ATP9B: variants seen among roughly 807,000 people sequenced by gnomAD.
ATP9B encodes the protein probable phospholipid-transporting ATPase IIB.
ATP9B carries 110 observed loss-of-function variants against 146.1 expected under a neutral mutation model. The ratio of observed to expected loss-of-function variants is 0.75; its 90% CI spans 0.65 to 0.88. The LOEUF (loss-of-function observed/expected upper bound fraction) is 0.88. Among genes scored for constraint, ATP9B ranks in the 40% least tolerant of loss-of-function variants. ATP9B has a pLI of 0.00. For missense variants in ATP9B, 1,499 were observed against 1,496.4 expected, an observed-to-expected ratio of 1.00 and a Z score of -0.03; for synonymous variants, 604 against 569.7, an observed-to-expected ratio of 1.06 and a Z score of -0.86.
At chr18:79,118,120 TG>T (rs2147086473) in intron 4 of ATP9B, among the ~76,000 whole-genome samples, 1 of 152,298 alleles carries the variant, frequency 6.6e-6, no homozygotes, top group South Asian at 2.1e-4. Flanking sequence ...AAGGAGACTT[TG>T]GGGTCGTTTC....
At chr18:79,168,081 C>T (rs1417260943) in intron 7 of ATP9B, among the ~76,000 whole-genome samples, 2 of 152,232 alleles carry the variant, frequency 1.3e-5, no homozygotes, top group African/African-American at 4.8e-5. Flanking sequence ...GAGCATGCAG[C>T]CCTAGGCACA....
chr18:79,096,584 G>C lies in ATP9B; in HGVS notation c.228G>C (p.Arg76Ser), dbSNP rs2074798280. The change falls in exon 2 of 30, where the codon AGG (arginine) becomes AGC (serine). Residue 76 changes from arginine to serine, a missense_variant. Physicochemically the swap from Arg to Ser is moderately radical, Grantham distance 110. Transcript: ENST00000426216. ...ESDYHTLPRA[R>S]IMQRKRGLEW... ...ATTACCACACCTTACCACGAGCCAG[G>C]ATAATGCAAAGGAAAAGAGGACTGG... is the stretch of plus-strand genomic sequence containing the variant. 1 of 1,614,098 alleles carries C rather than the reference G, an allele frequency of 6.2e-7. No homozygotes were observed. The highest frequency in any genetic ancestry group is 8.5e-7 in the Non-Finnish European group (1 of 1,179,976).
chr18:79,290,172 C>A (rs1202914821), intron 13 of ATP9B, among the ~76,000 whole-genome samples: 1 of 152,294 alleles, frequency 6.6e-6, no homozygotes, highest in East Asian at 1.9e-4. Flanking sequence ...TTTAAGTCTG[C>A]AGAGGTTACT....
In ATP9B at chr18:79,376,214, C is replaced by CACACACACAAAAAAAA; in HGVS notation, c.3307+789_3307+790insCACACACAAAAAAAAA. The CACACACACAAAAAAAA allele has an allele frequency of 1.0e-3, 923 of 881,940 alleles. 12 individuals carry two copies. Among genetic ancestry groups the CACACACACAAAAAAAA allele is most frequent in the African/African-American group, 9.5e-3 (440 of 46,482 alleles). The allele number at this position is 881,940 out of a possible 1,614,324, so 54.6% of individuals were successfully genotyped here. A position where few individuals can be genotyped will look rare whatever the true frequency, so the allele number is the denominator to read the frequency against. On this transcript the variant is annotated intron_variant, in intron 29 of 29. Coordinates refer to ENST00000426216, the MANE Select transcript of ATP9B (RefSeq NM_198531.5). ...ACACACACACACACACACACACACA[C>CACACACACAAAAAAAA]AAAACAAAACAAAAAAATGGCTAGC...
chr18:79,268,023 G>A (rs1187849131), intron 12 of ATP9B, among the ~76,000 whole-genome samples: 1 of 152,042 alleles, frequency 6.6e-6, no homozygotes, highest in African/African-American at 2.4e-5. Context: ...TTGTGGCTTT[G>A]ATATTGGATG....
intron 3 of ATP9B, among the ~76,000 whole-genome samples, chr18:79,110,761 CAT>C (rs2146983378): frequency 6.6e-6 from 1 of 152,246 alleles, no homozygotes; most frequent in South Asian, 2.1e-4. Flanking sequence ...TGATAAACAT[CAT>C]ATTTATATTA....
At position 79,110,360 on chromosome 18, in the gene ATP9B, G is replaced by A. The variant is rs2075927357; in HGVS notation, c.299G>A (p.Cys100Tyr). ...DGWKFLCTSC[C>Y]GWLINICRRK... ...GTATCTTTTGTTTCATACAGTTGCT[G>A]TGGTTGGCTGATAAATATTTGTCGA... Residue 100 changes from cysteine to tyrosine, a missense_variant, in exon 3 of 30, where the codon TGT (cysteine) becomes TAT (tyrosine). Physicochemically the swap from Cys to Tyr is radical, Grantham distance 194. Coordinates refer to ENST00000426216, the MANE Select transcript of ATP9B (RefSeq NM_198531.5). The A allele has an allele frequency of 1.3e-6, 2 of 1,599,334 alleles. No individual in the cohort carries two copies. Among genetic ancestry groups the A allele is most frequent in the South Asian group, 2.3e-5 (2 of 88,706 alleles).
chr18:79,085,067 T>C (rs908034266), intron 1 of ATP9B: 1 of 151,602 alleles, frequency 6.6e-6, no homozygotes, highest in African/African-American at 2.4e-5. Context: ...AGCATGGTGC[T>C]GGCATCTGCT....
At chr18:79,267,298 G>A (rs2096213081) in intron 12 of ATP9B, among the ~76,000 whole-genome samples, 1 of 151,646 alleles carries the variant, frequency 6.6e-6, no homozygotes, top group Non-Finnish European at 1.5e-5. Context: ...TGCCCTTTTT[G>A]CTTTCTTTTT....
chr18:79,174,058 G>T (rs779296857), intron 7 of ATP9B: 13 of 301,900 alleles, frequency 4.3e-5, no homozygotes, highest in South Asian at 3.6e-4. Context: ...TCCTCCTCTT[G>T]TAGAATCATC....
At chr18:79,312,459 C>T (rs1228636063) in intron 15 of ATP9B, among the ~76,000 whole-genome samples, 1 of 152,216 alleles carries the variant, frequency 6.6e-6, no homozygotes, top group Non-Finnish European at 1.5e-5. Flanking sequence ...TGGCTGCCCT[C>T]ACCCCAGACC....
chr18:79,346,556 G>A (rs112407249), intron 23 of ATP9B, among the ~76,000 whole-genome samples: 2,109 of 110,808 alleles, frequency 0.019, 181 homozygotes, highest in Middle Eastern at 0.052. Flanking sequence ...CACACACTCG[G>A]TCAGCGCACG....
At chr18:79,219,394 G>T (rs911697303) in intron 11 of ATP9B, among the ~76,000 whole-genome samples, 8 of 147,552 alleles carry the variant, frequency 5.4e-5, no homozygotes, top group South Asian at 2.2e-4. Flanking sequence ...ATTGATTTTG[G>T]TTTTTTTTTT....
intron 1 of ATP9B, among the ~76,000 whole-genome samples, chr18:79,073,632 G>A (rs923316356): frequency 6.6e-6 from 1 of 152,096 alleles, no homozygotes; most frequent in African/African-American, 2.4e-5. Flanking sequence ...AGACGGAGAC[G>A]AGGGAGGGGG....
At chr18:79,117,704 A>G (rs976995580) in intron 4 of ATP9B, 3 of 152,244 alleles carry the variant, frequency 2.0e-5, no homozygotes, top group African/African-American at 7.2e-5. Context: ...GTATTCACAC[A>G]CAGAAGAAAC....
intron 11 of ATP9B, among the ~76,000 whole-genome samples, chr18:79,229,158 C>T (rs934070382): frequency 6.6e-6 from 1 of 152,102 alleles, no homozygotes. Flanking sequence ...TTTTTTAGTA[C>T]AATACTGTTG....
chr18:79,370,917 T>G (rs2097065626), intron 26 of ATP9B, among the ~76,000 whole-genome samples: 1 of 152,220 alleles, frequency 6.6e-6, no homozygotes, highest in South Asian at 2.1e-4. Context: ...TTACAGTTTT[T>G]GAATAAAATG....
At position 79,347,825 on chromosome 18, in the gene ATP9B, TAGGC is replaced by T; in HGVS notation, c.2743_2746del (p.Arg915CysfsTer66). On this transcript the variant is annotated frameshift_variant, in exon 24 of 30. Transcript: ENST00000426216. LOFTEE classifies it high-confidence loss of function. ...TTCTCCATCACGCAGTTCCGGCACA[TAGGC>T]AGGCTGCTCATGGTGCACGGGCGGA... The T allele has an allele frequency of 6.2e-7, 1 of 1,613,324 alleles. No homozygotes were observed. Among genetic ancestry groups the T allele is most frequent in the Non-Finnish European group, 8.5e-7 (1 of 1,179,538 alleles).
chr18:79,171,016 G>A (rs1488092289), intron 7 of ATP9B, among the ~76,000 whole-genome samples: 1 of 152,166 alleles, frequency 6.6e-6, no homozygotes, highest in Non-Finnish European at 1.5e-5. Flanking sequence ...ATTTTCTTAA[G>A]TTGTACCTGA....
Sources: gnomAD v4.1 joint callset for allele counts (sites outside exome capture counted in the v4.1 genomes callset) on GRCh38, gnomAD v4.1.1 for gene constraint, MANE v1.5 for transcripts, NCBI Gene and HGNC (gene_info 2026-07-23, HGNC 2026-07-21) for gene names.